The following CNTN5 variants were observed in gnomAD, a reference collection of about 807,000 sequenced individuals.
The protein encoded by CNTN5 is contactin 5.
In CNTN5, 77 loss-of-function variants were observed where a neutral mutation model predicts 129.1. The observed-to-expected ratio is 0.60, with a 90% confidence interval of 0.50 to 0.72. The LOEUF is 0.72. CNTN5 is among the 30% of genes least tolerant of loss of function. The pLI is 0.00. For synonymous variants in CNTN5, 509 were observed against 465.6 expected (o/e 1.09, Z -1.20); for missense variants, 1,478 against 1,328.8 (o/e 1.11, Z -1.75).
chr11:99,698,561 G>T (rs1048426357), intron 3 of CNTN5, among the ~76,000 whole-genome samples: 1 of 151,432 alleles, frequency 6.6e-6, no homozygotes, highest in Non-Finnish European at 1.5e-5. Context: ...AACACTACCT[G>T]CAGAGTCGCA....
intron 8 of CNTN5, among the ~76,000 whole-genome samples, chr11:99,971,519 G>A (rs1951253167): frequency 6.6e-6 from 1 of 151,648 alleles, no homozygotes; most frequent in South Asian, 2.1e-4. Context: ...CTCCAGCCTG[G>A]TGACAGAGTG....
intron 2 of CNTN5, among the ~76,000 whole-genome samples, chr11:99,439,958 A>C (rs571250812): frequency 6.6e-6 from 1 of 152,250 alleles, no homozygotes; most frequent in South Asian, 2.1e-4. Flanking sequence ...AAAATGTAGA[A>C]AACAATATGG....
intron 1 of CNTN5, among the ~76,000 whole-genome samples, chr11:99,076,535 A>G (rs1865584522): frequency 6.6e-6 from 1 of 152,118 alleles, no homozygotes; most frequent in South Asian, 2.1e-4. Context: ...ATTTCAGGTA[A>G]TGATCTCAGT....
intron 3 of CNTN5, among the ~76,000 whole-genome samples, chr11:99,600,836 G>C (rs1001363268): frequency 6.6e-6 from 1 of 152,082 alleles, no homozygotes; most frequent in Non-Finnish European, 1.5e-5. Flanking sequence ...TAAACACATA[G>C]GATGACATTT....
At chr11:99,869,069 G>A (rs899600553) in intron 6 of CNTN5, among the ~76,000 whole-genome samples, 35 of 152,148 alleles carry the variant, frequency 2.3e-4, no homozygotes, top group African/African-American at 5.8e-4. Flanking sequence ...ATTTATCAAC[G>A]TCTCAAAACT....
intron 1 of CNTN5, among the ~76,000 whole-genome samples, chr11:99,095,807 G>A (rs1347314366): frequency 6.6e-6 from 1 of 151,852 alleles, no homozygotes; most frequent in East Asian, 1.9e-4. Context: ...GCAGTCAGGA[G>A]CCACGAACTT....
At chr11:99,036,912 T>C (rs1863762887) in intron 1 of CNTN5, among the ~76,000 whole-genome samples, 1 of 152,210 alleles carries the variant, frequency 6.6e-6, no homozygotes, top group South Asian at 2.1e-4. Flanking sequence ...CTAGTCCCTT[T>C]ACATATTAAC....
At chr11:99,424,976 G>A (rs1476683917) in intron 2 of CNTN5, among the ~76,000 whole-genome samples, 1 of 152,166 alleles carries the variant, frequency 6.6e-6, no homozygotes, top group African/African-American at 2.4e-5. Flanking sequence ...GTCCTGATGA[G>A]TGTACAACTC....
At chr11:99,909,583 C>A (rs560523965) in intron 6 of CNTN5, among the ~76,000 whole-genome samples, 1 of 152,074 alleles carries the variant, frequency 6.6e-6, no homozygotes, top group African/African-American at 2.4e-5. Context: ...CAATGATAGA[C>A]TGGATTAAGA....
chr11:99,726,384 C>CT (rs1422582820), intron 3 of CNTN5, among the ~76,000 whole-genome samples: 1 of 152,074 alleles, frequency 6.6e-6, no homozygotes, highest in South Asian at 2.1e-4. Context: ...GTTGCTTTAT[C>CT]TTTTTTTGTT....
intron 16 of CNTN5, among the ~76,000 whole-genome samples, chr11:100,245,794 G>A (rs1039261652): frequency 6.6e-6 from 1 of 151,938 alleles, no homozygotes; most frequent in East Asian, 1.9e-4. Context: ...ATAAAACCCC[G>A]GAGCCACTTA....
At position 100,299,954 on chromosome 11, in the gene CNTN5, G is replaced by A. The variant is rs567781675; in HGVS notation, c.2620+558G>A. ...TATGTAGAAAGAGAAATTGACTTTC[G>A]GAAAAGTTAAAGAACGTGCTAAAGG... On this transcript the variant is annotated intron_variant, in intron 20 of 24. Coordinates refer to ENST00000524871, the MANE Select transcript of CNTN5 (RefSeq NM_014361.4). 1.5e-4 allele frequency among the ~76,000 whole-genome samples: 22 copies of A among 151,412 alleles called. 1 individual carries two copies. Among genetic ancestry groups the A allele is most frequent in the East Asian group, 9.8e-4 (5 of 5,122 alleles).
chr11:99,219,213 T>A (rs971439208), intron 1 of CNTN5, among the ~76,000 whole-genome samples: 8 of 151,890 alleles, frequency 5.3e-5, no homozygotes, highest in African/African-American at 1.9e-4. Context: ...GAGCTTACAG[T>A]TTGCAAATAT....
chr11:99,890,478 T>G (rs1481164455), intron 6 of CNTN5, among the ~76,000 whole-genome samples: 3 of 152,116 alleles, frequency 2.0e-5, no homozygotes, highest in Non-Finnish European at 4.4e-5. Flanking sequence ...GTTGAATATG[T>G]ACATATGTAT....
chr11:100,278,969 T>C (rs1950574835), intron 18 of CNTN5, among the ~76,000 whole-genome samples: 1 of 151,970 alleles, frequency 6.6e-6, no homozygotes, highest in Non-Finnish European at 1.5e-5. Context: ...GATGTTGAGT[T>C]ATATTCCTTC....
At chr11:99,662,761 C>T (rs1016729393) in intron 3 of CNTN5, among the ~76,000 whole-genome samples, 1 of 152,134 alleles carries the variant, frequency 6.6e-6, no homozygotes, top group Non-Finnish European at 1.5e-5. Context: ...AGAGCAGCAA[C>T]AGCAGCAGCA....
At chr11:99,113,986 T>C (rs1395861936) in intron 1 of CNTN5, among the ~76,000 whole-genome samples, 1 of 152,208 alleles carries the variant, frequency 6.6e-6, no homozygotes, top group East Asian at 1.9e-4. Context: ...TCTCATAAGT[T>C]ACGCTTATCT....
chr11:99,668,093 T>A (rs1051704322), intron 3 of CNTN5, among the ~76,000 whole-genome samples: 5 of 152,160 alleles, frequency 3.3e-5, no homozygotes, highest in Non-Finnish European at 5.9e-5. Flanking sequence ...AACTGAATAC[T>A]GCCACACGCA....
At chr11:99,410,843 T>G (rs1440902139) in intron 2 of CNTN5, among the ~76,000 whole-genome samples, 1 of 152,228 alleles carries the variant, frequency 6.6e-6, no homozygotes, top group East Asian at 1.9e-4. Context: ...TAATCATTTA[T>G]AGTTACTTGT....
Sources: gnomAD v4.1 joint callset for allele counts (sites outside exome capture counted in the v4.1 genomes callset) on GRCh38, gnomAD v4.1.1 for gene constraint, MANE v1.5 for transcripts, NCBI Gene and HGNC (gene_info 2026-07-23, HGNC 2026-07-21) for gene names.